The following UGT1A8 variants were observed in gnomAD, a reference collection of about 807,000 sequenced individuals.
The protein encoded by UGT1A8 is UDP-glucuronosyltransferase 1A8.
Under a neutral mutation model 45.3 loss-of-function variants are expected in UGT1A8, and 39 were observed. The observed-to-expected ratio is 0.86, with a 90% CI of 0.67 to 1.12. The LOEUF (loss-of-function observed/expected upper bound fraction) is 1.12, where lower values mean the gene tolerates loss of function less well. Ranked by LOEUF, UGT1A8 falls within the 50% of genes most tolerant of loss-of-function variation. UGT1A8 has a pLI of 0.00. For missense variants in UGT1A8, 719 were observed against 664.9 expected (o/e 1.08, Z -0.90); for synonymous variants, 275 against 249.2 (o/e 1.10, Z -0.97).
chr2:233,661,373 A>G (rs1434066112), intron 1 of UGT1A8, among the ~76,000 whole-genome samples: 1 of 152,126 alleles, frequency 6.6e-6, no homozygotes, highest in Admixed American at 6.6e-5. Context: ...CTTAGGATAT[A>G]TGATAGTTTT....
chr2:233,623,585 C>T (rs2073048671), intron 1 of UGT1A8, among the ~76,000 whole-genome samples: 1 of 152,148 alleles, frequency 6.6e-6, no homozygotes, highest in Non-Finnish European at 1.5e-5. Context: ...ACATTTGTTA[C>T]ATAGCCACAA....
chr2:233,660,370 T>G (rs2073939493), intron 1 of UGT1A8, among the ~76,000 whole-genome samples: 1 of 152,194 alleles, frequency 6.6e-6, no homozygotes, highest in Non-Finnish European at 1.5e-5. Context: ...TGGAGACCAC[T>G]TTGGCTCCTT....
rs1478087363 is a variant in UGT1A8 at position 233,769,799 on chromosome 2, G to A, written c.1295+1360G>A. 4.2e-6 allele frequency: 5 copies of A among 1,197,998 alleles called. No individual in the cohort carries two copies. Among genetic ancestry groups the A allele is most frequent in the Admixed American group, 5.9e-5 (2 of 34,170 alleles). 74.2% of individuals were successfully genotyped at this position (1,197,998 alleles called of 1,614,324 possible). A position where few individuals can be genotyped will look rare whatever the true frequency, so the allele number is the denominator to read the frequency against. ...GAGCCCAGAAGTTGGAGGCTGCTAT[G>A]AGCCGTGATCATGCCACTGCACTCC... On this transcript the variant is annotated intron_variant, in intron 4 of 4. Transcript: ENST00000373450. This position sits in a 1 kb window ranked among gnomAD's most constrained non-coding sequence, Gnocchi z 4.4.
intron 1 of UGT1A8, chr2:233,647,825 A>T: frequency 1.0e-6 from 1 of 975,046 alleles, no homozygotes; most frequent in Non-Finnish European, 1.5e-6. Flanking sequence ...ATTTGCCCCA[A>T]AAGCTAGCTT....
In UGT1A8 at chr2:233,769,767, A is replaced by G. The variant is rs1575845901; in HGVS notation, c.1295+1328A>G. 7.3e-7 allele frequency: 1 copy of G among 1,374,516 alleles called. No individual in the cohort carries two copies. The highest frequency in any genetic ancestry group is 9.5e-7 in the Non-Finnish European group (1 of 1,054,324). 85.1% of individuals were successfully genotyped at this position (1,374,516 alleles called of 1,614,324 possible). On this transcript the variant is annotated intron_variant, in intron 4 of 4. Coordinates refer to ENST00000373450, the MANE Select transcript of UGT1A8 (RefSeq NM_019076.5). The surrounding 1 kb of genome is among the most constrained non-coding windows in gnomAD (Gnocchi z 4.4). ...CCACTCTGGAGGCTAAGGCGGGAGG[A>G]TTGCTTGAGCCCAGAAGTTGGAGGC...
intron 1 of UGT1A8, among the ~76,000 whole-genome samples, chr2:233,751,173 T>C (rs1694658856): frequency 6.6e-6 from 1 of 151,974 alleles, no homozygotes; most frequent in Non-Finnish European, 1.5e-5. Context: ...GACCTAGATA[T>C]GAGACATGAA....
intron 1 of UGT1A8, among the ~76,000 whole-genome samples, chr2:233,697,241 T>C (rs1474179923): frequency 6.6e-6 from 1 of 152,172 alleles, no homozygotes; most frequent in Admixed American, 6.5e-5. Flanking sequence ...TTTTTATTAC[T>C]GCTTCAATCT....
In UGT1A8 at chr2:233,718,987, A is replaced by G. The variant is rs1226240136; in HGVS notation, c.856-48047A>G. On this transcript the variant is annotated intron_variant, in intron 1 of 4. Transcript: ENST00000373450. ...TTGCGGGAGCTCCATGCCAGAGGCC[A>G]CCAGGCGGTGGTCCTCACCCCAGAG... 6.2e-7 allele frequency: 1 copy of G among 1,614,246 alleles called. No individual in the cohort carries two copies. Among genetic ancestry groups the G allele is most frequent in the East Asian group, 2.2e-5 (1 of 44,884 alleles).
chr2:233,766,887 T>G, intron 1 of UGT1A8, 147 bp from the exon 2 acceptor site: 1 of 1,461,916 alleles, frequency 6.8e-7, no homozygotes, highest in Non-Finnish European at 9.0e-7. Context: ...CTGTAAAACT[T>G]ACATATTAAT....
chr2:233,659,183 G>A (rs1322946152), intron 1 of UGT1A8, among the ~76,000 whole-genome samples: 8 of 152,092 alleles, frequency 5.3e-5, no homozygotes, highest in African/African-American at 1.9e-4. Flanking sequence ...ATGTTAAGTG[G>A]TATTTTCATT....
intron 1 of UGT1A8, among the ~76,000 whole-genome samples, chr2:233,638,234 AG>A (rs1559319476): frequency 6.6e-6 from 1 of 152,168 alleles, no homozygotes; most frequent in Non-Finnish European, 1.5e-5. Context: ...TCACTATATA[AG>A]CATTTTATGT....
Position 233,617,635 on chromosome 2 carries a change from G to T in UGT1A8, c.-73G>T. The stretch of plus-strand genomic sequence containing the variant: ...GCCCTCTATTGGGGTCAGGTTTTGT[G>T]CCTGTAGTTCTTCCGCCTACTGTAT... On this transcript the variant is annotated 5_prime_UTR_variant, in exon 1 of 5. Coordinates refer to ENST00000373450, the MANE Select transcript of UGT1A8 (RefSeq NM_019076.5). 3 of 1,536,992 alleles carry T rather than the reference G, an allele frequency of 2.0e-6. 1 individual carries two copies. In the South Asian group the frequency reaches 3.9e-5, roughly 20 times the overall value.
intron 1 of UGT1A8, among the ~76,000 whole-genome samples, chr2:233,687,872 CACTCCAG>C (rs1469681060): frequency 5.9e-5 from 9 of 152,200 alleles, no homozygotes; most frequent in African/African-American, 2.2e-4. Context: ...TATTCCACTC[CACTCCAG>C]CCTGGGTGAT....
intron 1 of UGT1A8, among the ~76,000 whole-genome samples, chr2:233,678,379 G>C (rs1408396387): frequency 6.6e-6 from 1 of 152,118 alleles, no homozygotes; most frequent in African/African-American, 2.4e-5. Flanking sequence ...CCATTGAGTG[G>C]GCTGTGGAGG....
In UGT1A8 at chr2:233,682,448, G is replaced by A. The variant is rs1174310006; in HGVS notation, c.855+63886G>A. On this transcript the variant is annotated intron_variant, in intron 1 of 4. Coordinates refer to ENST00000373450, the MANE Select transcript of UGT1A8 (RefSeq NM_019076.5). ...CCTCCCCTCTGTGGTCTTCGCCAGG[G>A]GAATATTTTGCCACTATCTTGAAGA... 1.2e-6 allele frequency: 2 copies of A among 1,613,718 alleles called. No homozygotes were observed. The highest frequency in any genetic ancestry group is 2.7e-5 in the African/African-American group (2 of 74,850).
chr2:233,749,829 T>C (rs758485445), intron 1 of UGT1A8, among the ~76,000 whole-genome samples: 1 of 151,956 alleles, frequency 6.6e-6, no homozygotes, highest in Non-Finnish European at 1.5e-5. Context: ...CTCTCTTTCA[T>C]GTAAGACGTG....
rs370849892 is a variant in UGT1A8, at chr2:233,653,550, C to G, written c.855+34988C>G. On this transcript the variant is annotated intron_variant, in intron 1 of 4. Coordinates refer to ENST00000373450, the MANE Select transcript of UGT1A8 (RefSeq NM_019076.5). ...GTCAGTCAGAAACCTCTATGGGTCA[C>G]CACCGCATACACAGTTGCTTAAAGT... Among the ~76,000 whole-genome samples, 9 of 152,302 alleles carry G rather than the reference C, an allele frequency of 5.9e-5. No homozygotes were observed. The East Asian group carries it at 1.7e-3, about 29-fold the overall frequency.
chr2:233,697,491 A>G lies in UGT1A8; in HGVS notation c.856-69543A>G, dbSNP rs1240411195. ...TCTTAGTCTAGCTCAAGGTTTGCCA[A>G]TTTTGTTTATCTTTTTTTTTTTTTA... On this transcript the variant is annotated intron_variant, in intron 1 of 4. Transcript: ENST00000373450. Among the ~76,000 whole-genome samples, 4 of 148,052 alleles carry G rather than the reference A, an allele frequency of 2.7e-5. No individual in the cohort carries two copies. The South Asian group carries it at 6.4e-4, about 24-fold the overall frequency.
At chr2:233,756,805 G>A (rs1176135462) in intron 1 of UGT1A8, among the ~76,000 whole-genome samples, 2 of 151,978 alleles carry the variant, frequency 1.3e-5, no homozygotes, top group South Asian at 2.1e-4. Context: ...CACTAGTAAA[G>A]GTCACTCAAT....
Sources: allele counts gnomAD v4.1 joint callset (sites outside exome capture counted in the v4.1 genomes callset), GRCh38; gene constraint gnomAD v4.1.1; non-coding constraint Gnocchi (gnomAD v3.1); transcripts MANE v1.5; gene names NCBI Gene and HGNC (gene_info 2026-07-23, HGNC 2026-07-21).